SETD3: variants seen among roughly 807,000 people sequenced by gnomAD.
SETD3 encodes actin-histidine N-methyltransferase.
A neutral mutation model predicts 63.0 loss-of-function variants in SETD3; 19 were observed. The ratio of observed to expected loss-of-function variants is 0.30; its 90% CI spans 0.21 to 0.44. SETD3 has a LOEUF of 0.44. SETD3 is among the 20% of genes least tolerant of loss of function. SETD3 has a pLI of 1.00. For synonymous variants in SETD3, 286 were observed against 264.1 expected (o/e 1.08, Z -0.80); for missense variants, 587 against 728.5 (o/e 0.81, Z 2.24).
intron 1 of SETD3, among the ~76,000 whole-genome samples, chr14:99,468,888 G>A (rs1051557083): frequency 6.6e-6 from 1 of 152,132 alleles, no homozygotes; most frequent in Admixed American, 6.5e-5. Flanking sequence ...TACAGCCTAG[G>A]CCTCAACACA....
chr14:99,438,772 T>C (rs997749129), intron 6 of SETD3, among the ~76,000 whole-genome samples: 30 of 152,160 alleles, frequency 2.0e-4, no homozygotes, highest in African/African-American at 6.8e-4. Context: ...AGATCCCAAC[T>C]ACCTGGCAAG....
At chr14:99,479,399 G>A (rs1247734798) in intron 1 of SETD3, among the ~76,000 whole-genome samples, 1 of 152,222 alleles carries the variant, frequency 6.6e-6, no homozygotes, top group Non-Finnish European at 1.5e-5. Context: ...TTTCACGCAT[G>A]GTAGCCCGTA....
At chr14:99,433,172 G>T (rs1319900128) in intron 6 of SETD3, among the ~76,000 whole-genome samples, 1 of 151,968 alleles carries the variant, frequency 6.6e-6, no homozygotes, top group East Asian at 1.9e-4. Flanking sequence ...TGTTTGGGGG[G>T]ATTAAAAATT....
intron 6 of SETD3, 126 bp downstream of exon 6, chr14:99,458,153 T>C (rs779349068): frequency 2.5e-5 from 28 of 1,135,114 alleles, no homozygotes; most frequent in African/African-American, 3.2e-5. Context: ...TATTTTATAT[T>C]TTCAATTTAA....
intron 6 of SETD3, among the ~76,000 whole-genome samples, chr14:99,425,150 A>G (rs1892813312): frequency 6.6e-6 from 1 of 152,194 alleles, no homozygotes; most frequent in Non-Finnish European, 1.5e-5. Context: ...ACAGGACTAT[A>G]AATAATAATG....
At chr14:99,475,492 T>C (rs920591659) in intron 1 of SETD3, among the ~76,000 whole-genome samples, 15 of 152,288 alleles carry the variant, frequency 9.8e-5, no homozygotes, top group Non-Finnish European at 1.2e-4. Flanking sequence ...GGCAATCTCC[T>C]GCTTTGTGAG....
chr14:99,435,760 G>A (rs74416315), intron 6 of SETD3, among the ~76,000 whole-genome samples: 1 of 70,520 alleles, frequency 1.4e-5, no homozygotes, highest in Non-Finnish European at 2.9e-5. Flanking sequence ...TTTTTTTTTT[G>A]TAAGTATGGA....
chr14:99,440,595 C>G (rs1047977613), intron 6 of SETD3, among the ~76,000 whole-genome samples: 1 of 152,050 alleles, frequency 6.6e-6, no homozygotes, highest in Admixed American at 6.6e-5. Context: ...CTGGAGGACT[C>G]AGGAGTGGAA....
intron 11 of SETD3, among the ~76,000 whole-genome samples, chr14:99,403,453 ACACTCTCTCTCTCTCTCTCTCT>A (rs1192150539): frequency 9.4e-6 from 1 of 106,120 alleles, no homozygotes; most frequent in African/African-American, 3.7e-5. Context: ...ACACACACAC[ACACTCTCTCTCTCTCTCTCTCT>A]CTCTCTCTCT....
intron 6 of SETD3, among the ~76,000 whole-genome samples, chr14:99,415,234 G>A (rs1223393351): frequency 1.3e-5 from 2 of 152,070 alleles, no homozygotes; most frequent in Admixed American, 6.6e-5. Context: ...TTATTTTTAC[G>A]TATTTTAATT....
intron 7 of SETD3, 116 bp from the exon 8 acceptor site, chr14:99,413,181 T>C (rs918581515): frequency 1.6e-6 from 1 of 631,536 alleles, no homozygotes; most frequent in African/African-American, 1.9e-5. Context: ...AGTCTTTTCC[T>C]AAGTAACAAA....
intron 6 of SETD3, among the ~76,000 whole-genome samples, chr14:99,436,840 T>G (rs1442663285): frequency 6.6e-6 from 1 of 152,178 alleles, no homozygotes; most frequent in Non-Finnish European, 1.5e-5. Context: ...CAGCACCGGT[T>G]TAAGTCCTTC....
Position 99,444,701 on chromosome 14 carries a change from A to C in SETD3, c.675+13578T>G, listed in dbSNP as rs904136234. Among the ~76,000 whole-genome samples, 5 of 152,148 alleles carry C rather than the reference A, an allele frequency of 3.3e-5. No homozygotes were observed. In the East Asian group the frequency reaches 9.6e-4, roughly 29 times the overall value. ...TGGCAAAAACTCATCTCTACAAAAA[A>C]ATATAAAAATTAGCTGGGCATGGTG... On this transcript the variant is annotated intron_variant, in intron 6 of 12. Coordinates refer to ENST00000331768, the MANE Select transcript of SETD3 (RefSeq NM_032233.3).
At chr14:99,425,969 A>C (rs1206000301) in intron 6 of SETD3, among the ~76,000 whole-genome samples, 1 of 152,212 alleles carries the variant, frequency 6.6e-6, no homozygotes, top group African/African-American at 2.4e-5. Context: ...TCTAAAAAAA[A>C]CAAGCTGTTG....
intron 12 of SETD3, among the ~76,000 whole-genome samples, chr14:99,399,885 G>T (rs373616843): frequency 2.7e-4 from 41 of 151,610 alleles, no homozygotes; most frequent in African/African-American, 9.4e-4. Flanking sequence ...TGAGTAGCTG[G>T]GATTACAGAC....
chr14:99,431,376 C>T (rs1043847195), intron 6 of SETD3, among the ~76,000 whole-genome samples: 1 of 152,192 alleles, frequency 6.6e-6, no homozygotes, highest in African/African-American at 2.4e-5. Flanking sequence ...GTGACTCAAA[C>T]GCAGGAGTTC....
chr14:99,404,356 C>T (rs773104397), intron 10 of SETD3, 46 bp from the exon 11 acceptor site: 1 of 1,552,968 alleles, frequency 6.4e-7, no homozygotes, highest in South Asian at 1.1e-5. Flanking sequence ...TGCGGTTACC[C>T]ACTTGCTCCA....
At chr14:99,432,140 C>A (rs541576596) in intron 6 of SETD3, among the ~76,000 whole-genome samples, 1 of 152,196 alleles carries the variant, frequency 6.6e-6, no homozygotes, top group Non-Finnish European at 1.5e-5. Context: ...GGAGACCTGA[C>A]AAGTAAAAAT....
chr14:99,456,147 C>G (rs1488508123), intron 6 of SETD3, among the ~76,000 whole-genome samples: 1 of 152,046 alleles, frequency 6.6e-6, no homozygotes, highest in East Asian at 1.9e-4. Context: ...ACAGCAAGAC[C>G]CTGTCTCACA....
Sources: allele counts gnomAD v4.1 joint callset (sites outside exome capture counted in the v4.1 genomes callset), GRCh38; gene constraint gnomAD v4.1.1; transcripts MANE v1.5; gene names NCBI Gene and HGNC (gene_info 2026-07-23, HGNC 2026-07-21).